Variants in ANXA9 observed in about 807,000 individuals in gnomAD.
ANXA9 encodes annexin A9.
Under a neutral mutation model 51.8 loss-of-function variants are expected in ANXA9, and 47 were observed. The ratio of observed to expected loss-of-function variants is 0.91; its 90% CI spans 0.72 to 1.16. The LOEUF (loss-of-function observed/expected upper bound fraction) is 1.16. ANXA9 is among the 50% of genes most tolerant of loss of function. The pLI, the probability that ANXA9 is intolerant of heterozygous loss-of-function variation, is 0.00. For synonymous variants in ANXA9, 154 were observed against 168.7 expected (o/e 0.91, Z 0.68); for missense variants, 361 against 424.7 (o/e 0.85, Z 1.32).
At chr1:150,978,776 C>G (rs1196153355), upstream of ANXA9, among the ~76,000 whole-genome samples, 1 of 151,956 alleles carries the variant, frequency 6.6e-6, no homozygotes. Flanking sequence ...CCAGCCTGGC[C>G]AACATGGTGA....
intron 12 of ANXA9, among the ~76,000 whole-genome samples, chr1:150,989,270 C>T (rs587688696): frequency 2.0e-4 from 30 of 151,322 alleles, no homozygotes; most frequent in African/African-American, 6.5e-4. Flanking sequence ...TGAGCCACTG[C>T]GCCCAGCCCA....
chr1:150,994,756 C>T, intron 13 of ANXA9, 57 bp downstream of exon 13: 1 of 1,602,308 alleles, frequency 6.2e-7, no homozygotes, highest in South Asian at 1.1e-5. Flanking sequence ...TCACCTCCAC[C>T]CTCACTCCCT....
chr1:150,991,533 CCTT>C (rs148927689), intron 12 of ANXA9, among the ~76,000 whole-genome samples: 24,336 of 149,046 alleles, frequency 0.16, 3,043 homozygotes, highest in African/African-American at 0.36. Flanking sequence ...AGGTGCCCGG[CCTT>C]CTTCTTCTTC....
At chr1:150,982,092 G>A (rs919474976), upstream of ANXA9, 2 of 152,528 alleles carry the variant, frequency 1.3e-5, no homozygotes, top group African/African-American at 4.8e-5. Context: ...GAGAGGCTGA[G>A]TGGAGTTCAC....
At chr1:150,981,498 T>G (rs988197369), upstream of ANXA9, among the ~76,000 whole-genome samples, 3 of 152,192 alleles carry the variant, frequency 2.0e-5, no homozygotes, top group African/African-American at 7.2e-5. Context: ...CACCTGCTGC[T>G]CTGTGCAGAG....
At chr1:150,983,739 C>G (rs1311952180) in intron 4 of ANXA9, among the ~76,000 whole-genome samples, 1 of 152,134 alleles carries the variant, frequency 6.6e-6, no homozygotes, top group Non-Finnish European at 1.5e-5. Context: ...CCCCCCAAGT[C>G]GTATTTTTTT....
In ANXA9 at chr1:150,985,190, T is replaced by A. The variant is rs113396710; in HGVS notation, c.472+514T>A. Among the ~76,000 whole-genome samples the A allele has an allele frequency of 1.4e-3, 209 of 147,016 alleles. 1 individual carries two copies. In the South Asian group the frequency reaches 0.018, roughly 13 times the overall value. ...ATGTCTCTCTCTCTCTCTCTCTCTC[T>A]CACACACACACACACACACACACAC... On this transcript the variant is annotated intron_variant, in intron 7 of 13. Transcript: ENST00000368947.
intron 12 of ANXA9, among the ~76,000 whole-genome samples, chr1:150,990,867 A>G (rs1015934810): frequency 1.3e-5 from 2 of 151,836 alleles, no homozygotes; most frequent in Non-Finnish European, 1.5e-5. Flanking sequence ...TAAACAGGCC[A>G]GGCGCGGTGG....
chr1:150,980,113 A>T (rs1420515388), upstream of ANXA9, among the ~76,000 whole-genome samples: 5 of 152,174 alleles, frequency 3.3e-5, no homozygotes, highest in Admixed American at 3.3e-4. Context: ...ACAAAAAATA[A>T]TAATTACAGG....
At chr1:150,978,753 C>T (rs1671372893), upstream of ANXA9, among the ~76,000 whole-genome samples, 1 of 152,002 alleles carries the variant, frequency 6.6e-6, no homozygotes. Flanking sequence ...ATCACAAGGT[C>T]AGGAGTTCAA....
At chr1:150,995,075 G>A (rs587614159) in intron 13 of ANXA9, among the ~76,000 whole-genome samples, 185 bp from the exon 14 acceptor site, 4 of 152,364 alleles carry the variant, frequency 2.6e-5, no homozygotes, top group Non-Finnish European at 5.9e-5. Flanking sequence ...CTGGGTGACA[G>A]GGCAAGACTC....
Position 150,986,592 on chromosome 1 carries a change from C to T in ANXA9, c.553-10C>T. On this transcript the variant is annotated splice_polypyrimidine_tract_variant and intron_variant, in intron 8 of 13. Transcript: ENST00000368947. ...TCAAAGAGCCCTCTAAGAACAGTTT[C>T]TCCTCCTAGGGGGGCCGTGACAGCT... 1 of 1,610,580 alleles carries T rather than the reference C, an allele frequency of 6.2e-7. No individual in the cohort carries two copies. The highest frequency in any genetic ancestry group is 8.5e-7 in the Non-Finnish European group (1 of 1,178,818).
chr1:150,986,448 AC>A (rs768555995), intron 8 of ANXA9, 33 bp downstream of exon 8: 35 of 1,608,954 alleles, frequency 2.2e-5, no homozygotes, highest in South Asian at 3.3e-5. Context: ...GAAGGGAGTC[AC>A]GTTCACCAGG....
chr1:150,985,704 C>T (rs1164900148), intron 7 of ANXA9, among the ~76,000 whole-genome samples: 10 of 152,194 alleles, frequency 6.6e-5, no homozygotes, highest in African/African-American at 2.4e-4. Flanking sequence ...GTAGCTGGGA[C>T]TACAGGTGTG....
At chr1:150,980,045 C>T (rs1422777996), upstream of ANXA9, among the ~76,000 whole-genome samples, 1 of 152,116 alleles carries the variant, frequency 6.6e-6, no homozygotes, top group Non-Finnish European at 1.5e-5. Flanking sequence ...GACTGAGTTC[C>T]ATTTTGGGGT....
upstream of ANXA9, among the ~76,000 whole-genome samples, chr1:150,978,691 C>T (rs1340219818): frequency 3.3e-5 from 5 of 151,688 alleles, no homozygotes; most frequent in Non-Finnish European, 5.9e-5. Flanking sequence ...AGAGGCTGGG[C>T]GCAGTGGCTC....
chr1:150,989,829 A>G (rs1030817427), intron 12 of ANXA9, among the ~76,000 whole-genome samples: 1 of 152,230 alleles, frequency 6.6e-6, no homozygotes, highest in Non-Finnish European at 1.5e-5. Flanking sequence ...ACAGTAGATT[A>G]TTATACTTGC....
At chr1:150,985,190 TCACACA>T (rs768559320) in intron 7 of ANXA9, among the ~76,000 whole-genome samples, 546 of 147,014 alleles carry the variant, frequency 3.7e-3, no homozygotes, top group Admixed American at 5.3e-3. Flanking sequence ...TCTCTCTCTC[TCACACA>T]CACACACACA....
upstream of ANXA9, among the ~76,000 whole-genome samples, chr1:150,978,967 AAAAAG>A (rs1451257737): frequency 2.6e-5 from 4 of 151,960 alleles, no homozygotes; most frequent in Admixed American, 1.3e-4. Context: ...CTGTCTCAAA[AAAAAG>A]AAAAGAAAAG....
Sources: allele counts gnomAD v4.1 joint callset (sites outside exome capture counted in the v4.1 genomes callset), GRCh38; gene constraint gnomAD v4.1.1; transcripts MANE v1.5; gene names NCBI Gene and HGNC (gene_info 2026-07-23, HGNC 2026-07-21).